The following MAK variants were observed in gnomAD, a reference collection of about 807,000 sequenced individuals.
MAK encodes the protein serine/threonine-protein kinase MAK.
Under a neutral mutation model 82.6 loss-of-function variants are expected in MAK, and 65 were observed. The ratio of observed to expected loss-of-function variants is 0.79; its 90% CI spans 0.64 to 0.97. The LOEUF is 0.97. Ranked by LOEUF, MAK falls within the 50% of genes least tolerant of loss-of-function variation. The pLI is 0.00. For missense variants in MAK, 703 were observed against 780.2 expected (o/e 0.90, Z 1.18); for synonymous variants, 250 against 274.2 (o/e 0.91, Z 0.87).
chr6:10,797,913 C>T (rs1775690162), intron 8 of MAK: 2 of 1,266,050 alleles, frequency 1.6e-6, no homozygotes, highest in Non-Finnish European at 2.0e-6. Flanking sequence ...TTAAGGGTTA[C>T]TTGCATTCTC....
At chr6:10,772,973 G>T in intron 13 of MAK, 61 bp downstream of exon 13, 2 of 1,150,958 alleles carry the variant, frequency 1.7e-6, no homozygotes, top group Non-Finnish European at 2.5e-6. Context: ...CAAATGTTGA[G>T]AAGAAAATCA....
At chr6:10,775,537 C>G in intron 11 of MAK, 78 bp from the exon 12 acceptor site, 1 of 1,482,756 alleles carries the variant, frequency 6.7e-7, no homozygotes, top group East Asian at 2.3e-5. Flanking sequence ...TACATTCAAA[C>G]AAAGACTAGA....
Position 10,796,052 on chromosome 6 carries a change from ACT to A in MAK, c.1087_1088del (p.Gln364GlyfsTer18), listed in dbSNP as rs1196153507. 10 of 1,613,600 alleles carry A rather than the reference ACT, an allele frequency of 6.2e-6. 1 individual carries two copies. Among genetic ancestry groups the A allele is most frequent in the African/African-American group, 2.7e-5 (2 of 74,772 alleles). ...ATAGCGTTTGTGGCGGTTTCTCCTG[ACT>A]CTGTTGCTTTGGAGGTTGCTGGACG... ...LSVQQPPKQQSQEKPPQTLFP... is the reference protein window; with the variant it reads ...LSVQQPPKQQXQEKPPQTLFP... On this transcript the variant is annotated frameshift_variant, in exon 9 of 15. Transcript: ENST00000354489. LOFTEE classifies it high-confidence loss of function.
At chr6:10,779,556 A>C in intron 11 of MAK, 5 of 876,126 alleles carry the variant, frequency 5.7e-6, no homozygotes, top group Non-Finnish European at 6.8e-6. Flanking sequence ...ATGCTTAATA[A>C]GACCTTTTAT....
At chr6:10,779,222 C>G in intron 11 of MAK, 1 of 525,048 alleles carries the variant, frequency 1.9e-6, no homozygotes. Context: ...AGTCCCGGCT[C>G]TAGGAGCAGG....
chr6:10,786,289 G>T lies in MAK; in HGVS notation c.1317-1717C>A, dbSNP rs189854593. Among the ~76,000 whole-genome samples the T allele has an allele frequency of 2.0e-5, 3 of 152,260 alleles. No homozygotes were observed. The East Asian group carries it at 5.8e-4, about 29-fold the overall frequency. On this transcript the variant is annotated intron_variant, in intron 10 of 14. Coordinates refer to ENST00000354489, the MANE Select transcript of MAK (RefSeq NM_001242957.3). ...AAAATAAGACAACCATTAAATAAAAGGTATACATGTTAGTATTTGGTACTC... is the reference window on the plus strand; with the variant it reads ...AAAATAAGACAACCATTAAATAAAATGTATACATGTTAGTATTTGGTACTC...
At position 10,828,616 on chromosome 6, in the gene MAK, C is replaced by A. The variant is rs532035511; in HGVS notation, c.101+1932G>T. Among the ~76,000 whole-genome samples, 4 of 152,178 alleles carry A rather than the reference C, an allele frequency of 2.6e-5. No individual in the cohort carries two copies. The East Asian group carries it at 7.7e-4, about 29-fold the overall frequency. ...GAGGAGCCTGGGCAACATGGCAAGA[C>A]CCCATCACTCCAAAAAAATTTTTTA... On this transcript the variant is annotated intron_variant, in intron 2 of 14. Transcript: ENST00000354489.
intron 12 of MAK, 94 bp from the exon 13 acceptor site, chr6:10,773,202 T>A (rs988105522): frequency 2.9e-6 from 2 of 687,720 alleles, no homozygotes; most frequent in Non-Finnish European, 2.3e-6. Context: ...AATGAAAAGA[T>A]CCAGAAAGAG....
At chr6:10,794,385 C>A (rs145851442) in intron 9 of MAK, among the ~76,000 whole-genome samples, 1 of 152,312 alleles carries the variant, frequency 6.6e-6, no homozygotes, top group Non-Finnish European at 1.5e-5. Flanking sequence ...CCTGACCTCA[C>A]TGAGCTTGCT....
chr6:10,830,729 A>G lies in MAK; in HGVS notation c.-81T>C, dbSNP rs1778754738. On this transcript the variant is annotated 5_prime_UTR_variant, in exon 2 of 15. Coordinates refer to ENST00000354489, the MANE Select transcript of MAK (RefSeq NM_001242957.3). Reference sequence around the variant, plus strand: ...TAAATTTGAACGCTTCTTAATTTTTATTTGCTTTTGTCCTCACACTGTTGT... The same window carrying G: ...TAAATTTGAACGCTTCTTAATTTTTGTTTGCTTTTGTCCTCACACTGTTGT... 1 of 1,127,996 alleles carries G rather than the reference A, an allele frequency of 8.9e-7. No homozygotes were observed. The highest frequency in any genetic ancestry group is 1.5e-5 in the African/African-American group (1 of 65,568). 69.9% of individuals were successfully genotyped at this position (1,127,996 alleles called of 1,614,324 possible).
chr6:10,774,142 C>A (rs1490277968), intron 12 of MAK, among the ~76,000 whole-genome samples: 2 of 151,882 alleles, frequency 1.3e-5, no homozygotes, highest in Non-Finnish European at 2.9e-5. Context: ...AAATTTTATC[C>A]AAATGTAATC....
chr6:10,767,198 A>C (rs1304352100), intron 14 of MAK, among the ~76,000 whole-genome samples: 2 of 152,240 alleles, frequency 1.3e-5, no homozygotes, highest in African/African-American at 2.4e-5. Context: ...ATCTATGCTA[A>C]AGGAAAGAAG....
chr6:10,769,146 C>T (rs1422632314), intron 14 of MAK, among the ~76,000 whole-genome samples: 38 of 152,032 alleles, frequency 2.5e-4, no homozygotes, highest in Admixed American at 2.5e-3. Context: ...CCCAGGAGTT[C>T]GAGGCTGCAG....
At position 10,796,142 on chromosome 6, in the gene MAK, T is replaced by C. The variant is rs1235600502; in HGVS notation, c.999A>G (p.Gly333=). Residue 333 remains glycine (G), a synonymous_variant, in exon 9 of 15, where the codon GGA becomes GGG. Coordinates refer to ENST00000354489, the MANE Select transcript of MAK (RefSeq NM_001242957.3). Reference sequence around the variant, plus strand: ...GCTGGCTAGTTTTTGGCTGGGGTTGTCCAACAACCTGATCGATTATATCCG... The same window carrying C: ...GCTGGCTAGTTTTTGGCTGGGGTTGCCCAACAACCTGATCGATTATATCCG... ...PLPDIIDQVV[G]QPQPKTSQQP... is the part of the protein sequence containing the mutation. 3.1e-6 allele frequency: 5 copies of C among 1,614,022 alleles called. No individual in the cohort carries two copies. The African/African-American group carries it at 6.7e-5, about 22-fold the overall frequency.
At chr6:10,824,983 A>G (rs115486984) in intron 2 of MAK, among the ~76,000 whole-genome samples, 1,712 of 152,222 alleles carry the variant, frequency 0.011, 30 homozygotes, top group African/African-American at 0.038. Flanking sequence ...GTAAATACTC[A>G]CTCTCTCAGC....
intron 2 of MAK, among the ~76,000 whole-genome samples, chr6:10,829,878 C>T (rs1303659803): frequency 6.6e-6 from 1 of 151,982 alleles, no homozygotes. Context: ...CTTCTGTCAC[C>T]CAGGCTGGAG....
intron 10 of MAK, 61 bp from the exon 11 acceptor site, chr6:10,784,633 C>CTGCACATCTCGCCCACCCTT: frequency 6.9e-7 from 1 of 1,446,448 alleles, no homozygotes; most frequent in Non-Finnish European, 9.6e-7. Flanking sequence ...CGCCCACCCT[C>CTGCACATCTCGCCCACCCTT]TGCACATCTC....
chr6:10,812,718 T>TA (rs1383484157), intron 5 of MAK, among the ~76,000 whole-genome samples: 2 of 152,022 alleles, frequency 1.3e-5, no homozygotes, highest in Non-Finnish European at 2.9e-5. Context: ...ATTAAACTGT[T>TA]AAAAAATTCT....
rs186840787 is a variant in MAK, at chr6:10,765,202, C to T, written c.1793-596G>A. Among the ~76,000 whole-genome samples the T allele has an allele frequency of 3.2e-3, 491 of 152,008 alleles. 2 individuals are homozygous for T. The highest frequency in any genetic ancestry group is 4.0e-3 in the Non-Finnish European group (271 of 67,992). On this transcript the variant is annotated intron_variant, in intron 14 of 14. Coordinates refer to ENST00000354489, the MANE Select transcript of MAK (RefSeq NM_001242957.3). The stretch of plus-strand genomic sequence containing the variant: ...TAATATTTTACATTTAGATAGGCAA[C>T]GCCAGGTAAGAAGACCAAGAAAATT...
Sources: allele counts gnomAD v4.1 joint callset (sites outside exome capture counted in the v4.1 genomes callset), GRCh38; gene constraint gnomAD v4.1.1; transcripts MANE v1.5; gene names NCBI Gene and HGNC (gene_info 2026-07-23, HGNC 2026-07-21).